BICD1: variants seen among roughly 807,000 people sequenced by gnomAD.
BICD1 encodes the protein BICD cargo adaptor 1.
A neutral mutation model predicts 92.5 loss-of-function variants in BICD1; 35 were observed. The ratio of observed to expected loss-of-function variants is 0.38; its 90% confidence interval spans 0.29 to 0.50. The LOEUF (loss-of-function observed/expected upper bound fraction) is 0.50. Among genes scored for constraint, BICD1 ranks in the 20% least tolerant of loss-of-function variants. The pLI is 0.93. For synonymous variants in BICD1, 429 were observed against 465.1 expected, an observed-to-expected ratio of 0.92 and a Z score of 1.00; for missense variants, 950 against 1,189.8, an observed-to-expected ratio of 0.80 and a Z score of 2.97.
At chr12:32,170,770 G>T (rs952718238) in intron 1 of BICD1, among the ~76,000 whole-genome samples, 20 of 152,142 alleles carry the variant, frequency 1.3e-4, no homozygotes, top group Admixed American at 6.5e-5. Context: ...GGAGACATTT[G>T]GTTATTTCCG....
chr12:32,271,418 C>T (rs994252406), intron 2 of BICD1, among the ~76,000 whole-genome samples: 1 of 152,200 alleles, frequency 6.6e-6, no homozygotes, highest in African/African-American at 2.4e-5. Flanking sequence ...GAGTGACAGA[C>T]CATGACCTTA....
chr12:32,337,835 T>C lies in BICD1; in HGVS notation c.2570+19T>C. 6.2e-7 allele frequency: 1 copy of C among 1,612,190 alleles called. No homozygotes were observed. Reference sequence around the variant, plus strand: ...GGAAAAGGTATGCATGCAGCGATCTTCATAGTACGGTGCAGTGGCCAGATT... The same window carrying C: ...GGAAAAGGTATGCATGCAGCGATCTCCATAGTACGGTGCAGTGGCCAGATT... On this transcript the variant is annotated intron_variant, in intron 7 of 9. Transcript: ENST00000652176. This position sits in a 1 kb window ranked among gnomAD's most constrained non-coding sequence, Gnocchi z 4.7.
intron 1 of BICD1, among the ~76,000 whole-genome samples, chr12:32,157,648 T>A (rs1489869609): frequency 6.6e-6 from 1 of 152,190 alleles, no homozygotes; most frequent in Non-Finnish European, 1.5e-5. Context: ...TAACCCCAAA[T>A]TTCCTTGCCA....
intron 2 of BICD1, among the ~76,000 whole-genome samples, chr12:32,255,270 C>CA (rs1290863015): frequency 6.6e-6 from 1 of 152,154 alleles, no homozygotes; most frequent in Admixed American, 6.5e-5. Flanking sequence ...CTCATAGCCT[C>CA]ATCCAATCCC....
intron 2 of BICD1, among the ~76,000 whole-genome samples, chr12:32,218,888 A>G (rs184071477): frequency 6.6e-6 from 1 of 152,208 alleles, no homozygotes; most frequent in African/African-American, 2.4e-5. Context: ...TGCTGTACCT[A>G]AGAGAATTAT....
At chr12:32,223,832 A>C (rs1945607007) in intron 2 of BICD1, among the ~76,000 whole-genome samples, 1 of 152,162 alleles carries the variant, frequency 6.6e-6, no homozygotes, top group South Asian at 2.1e-4. Context: ...GCCTAATTTC[A>C]ATATTGTCTT....
chr12:32,356,390 G>A (rs973600287), intron 8 of BICD1, among the ~76,000 whole-genome samples: 2 of 152,130 alleles, frequency 1.3e-5, no homozygotes, highest in African/African-American at 4.8e-5. Context: ...GGTGGCTCAT[G>A]CCTGTAATCC....
At chr12:32,227,376 A>G (rs972361125) in intron 2 of BICD1, 2 of 152,466 alleles carry the variant, frequency 1.3e-5, no homozygotes, top group Admixed American at 6.5e-5. Context: ...AGGGTGGGAA[A>G]CAGGGAGGTG....
In BICD1 at chr12:32,382,187, T is replaced by C. The variant is rs1355141997; in HGVS notation, c.*4560T>C. ...TTGCGTTTGTAACCTGATCGTATTATGTTTACAGCTGAAAGATTTCATCTA... is the reference window on the plus strand; with the variant it reads ...TTGCGTTTGTAACCTGATCGTATTACGTTTACAGCTGAAAGATTTCATCTA... On this transcript the variant is annotated 3_prime_UTR_variant, in exon 10 of 10. Coordinates refer to ENST00000652176, the MANE Select transcript of BICD1 (RefSeq NM_001714.4). 1 of 152,118 alleles carries C rather than the reference T, an allele frequency of 6.6e-6. No individual in the cohort carries two copies. The highest frequency in any genetic ancestry group is 1.5e-5 in the Non-Finnish European group (1 of 67,966). The allele number at this position is 152,118 out of a possible 1,614,324, so 9.4% of individuals were successfully genotyped here. A position where few individuals can be genotyped will look rare whatever the true frequency, so the allele number is the denominator to read the frequency against.
intron 3 of BICD1, among the ~76,000 whole-genome samples, chr12:32,297,485 C>G (rs1264155002): frequency 4.0e-5 from 6 of 151,850 alleles, no homozygotes; most frequent in Non-Finnish European, 8.8e-5. Flanking sequence ...CATGAGCCAC[C>G]ATGCCCGGCC....
chr12:32,266,234 A>G (rs993463758), intron 2 of BICD1, among the ~76,000 whole-genome samples: 19 of 152,182 alleles, frequency 1.2e-4, no homozygotes, highest in Non-Finnish European at 2.2e-4. Context: ...GAGTCATTTC[A>G]TCAGAAAGAT....
intron 4 of BICD1, among the ~76,000 whole-genome samples, chr12:32,316,439 T>G (rs1948502802): frequency 6.6e-6 from 1 of 151,684 alleles, no homozygotes; most frequent in East Asian, 2.0e-4. Flanking sequence ...TACAGGCACG[T>G]GCCACCACGC....
intron 1 of BICD1, among the ~76,000 whole-genome samples, chr12:32,204,886 T>C (rs889125394): frequency 2.0e-5 from 3 of 152,172 alleles, no homozygotes; most frequent in East Asian, 1.9e-4. Flanking sequence ...TCAGTCTCAA[T>C]GTTACCCCAC....
chr12:32,246,644 A>C (rs1946396856), intron 2 of BICD1, among the ~76,000 whole-genome samples: 1 of 152,162 alleles, frequency 6.6e-6, no homozygotes, highest in South Asian at 2.1e-4. Context: ...TCTCAAAAAA[A>C]ATCATCTTTA....
intron 1 of BICD1, among the ~76,000 whole-genome samples, chr12:32,205,863 C>T: frequency 3.3e-5 from 5 of 151,778 alleles, no homozygotes; most frequent in Non-Finnish European, 7.4e-5. Context: ...ATCCTCCACT[C>T]CTGTCCCCGC....
intron 1 of BICD1, among the ~76,000 whole-genome samples, chr12:32,194,299 G>T (rs68039203): frequency 2.6e-5 from 4 of 151,968 alleles, no homozygotes; most frequent in Non-Finnish European, 5.9e-5. Flanking sequence ...AACAAGAGAA[G>T]GATGCCCACA....
intron 2 of BICD1, among the ~76,000 whole-genome samples, chr12:32,217,362 T>A (rs2121556093): frequency 6.6e-6 from 1 of 152,292 alleles, no homozygotes; most frequent in East Asian, 1.9e-4. Flanking sequence ...TTGTAAAGTA[T>A]AAGACAAGCA....
At chr12:32,355,100 C>T (rs552688421) in intron 8 of BICD1, among the ~76,000 whole-genome samples, 2 of 152,152 alleles carry the variant, frequency 1.3e-5, no homozygotes, top group Non-Finnish European at 2.9e-5. Flanking sequence ...TAAATGATGG[C>T]AATTTAAAAA....
chr12:32,254,852 T>C (rs527412282), intron 2 of BICD1, among the ~76,000 whole-genome samples: 1 of 152,332 alleles, frequency 6.6e-6, no homozygotes, highest in East Asian at 1.9e-4. Flanking sequence ...TAGTCTGTTT[T>C]GTTCTCCCTG....
Sources: gnomAD v4.1 joint callset for allele counts (sites outside exome capture counted in the v4.1 genomes callset) on GRCh38, gnomAD v4.1.1 for gene constraint, Gnocchi (gnomAD v3.1) non-coding constraint, MANE v1.5 for transcripts, NCBI Gene and HGNC (gene_info 2026-07-23, HGNC 2026-07-21) for gene names.